PTK2B: variants seen among roughly 807,000 people sequenced by gnomAD.
PTK2B encodes the protein protein-tyrosine kinase 2-beta.
A neutral mutation model predicts 142.9 loss-of-function variants in PTK2B; 71 were observed. The observed-to-expected ratio is 0.50, with a 90% CI of 0.41 to 0.61. PTK2B has a LOEUF of 0.61. PTK2B is among the 20% of genes least tolerant of loss of function. The pLI is 0.00. For synonymous variants in PTK2B, 519 were observed against 503.4 expected (o/e 1.03, Z -0.42); for missense variants, 1,105 against 1,320.4 (o/e 0.84, Z 2.53).
In PTK2B at chr8:27,430,966, C is replaced by G; in HGVS notation, c.760C>G (p.Leu254Val). Residue 254 changes from leucine (L) to valine (V), a missense_variant, in exon 8 of 31, where the codon CTC (leucine) becomes GTC (valine). By Grantham distance (32) the Leu-to-Val change is conservative. Transcript: ENST00000346049. ...GTGCGTCATGAAGTTCTTCAACACT[C>G]TCGCCGGCTTCGCCAACATCGACCA... is the stretch of plus-strand genomic sequence containing the variant. ...EECVMKFFNT[L>V]AGFANIDQET... 1 of 1,614,206 alleles carries G rather than the reference C, an allele frequency of 6.2e-7. No individual in the cohort carries two copies. The highest frequency in any genetic ancestry group is 1.7e-5 in the Admixed American group (1 of 60,032).
intron 1 of PTK2B, among the ~76,000 whole-genome samples, chr8:27,385,709 A>G (rs960853611): frequency 2.0e-5 from 3 of 152,132 alleles, no homozygotes; most frequent in African/African-American, 7.2e-5. Context: ...CCTGGCCAAC[A>G]TGGTGAAACC....
chr8:27,435,304 C>T (rs1318477779), intron 13 of PTK2B, among the ~76,000 whole-genome samples: 1 of 152,232 alleles, frequency 6.6e-6, no homozygotes, highest in South Asian at 2.1e-4. Flanking sequence ...GGGGGCTCCA[C>T]GCTCAGGACT....
At chr8:27,325,912 A>G (rs971312114) in intron 1 of PTK2B, among the ~76,000 whole-genome samples, 10 of 152,082 alleles carry the variant, frequency 6.6e-5, no homozygotes, top group African/African-American at 2.4e-4. Flanking sequence ...ATTTGACACT[A>G]TAGGGTGTTT....
At chr8:27,355,876 A>C (rs1440345042) in intron 1 of PTK2B, among the ~76,000 whole-genome samples, 2 of 152,130 alleles carry the variant, frequency 1.3e-5, no homozygotes, top group African/African-American at 4.8e-5. Flanking sequence ...ACAAACAATT[A>C]GCTGGGCATG....
intron 24 of PTK2B, among the ~76,000 whole-genome samples, chr8:27,449,236 A>G (rs1476396114): frequency 6.6e-6 from 1 of 152,214 alleles, no homozygotes; most frequent in African/African-American, 2.4e-5. Flanking sequence ...TCCTCCCAGC[A>G]CCCAGCCCTG....
chr8:27,340,666 C>G (rs1005048962), intron 1 of PTK2B, among the ~76,000 whole-genome samples: 1 of 152,252 alleles, frequency 6.6e-6, no homozygotes, highest in Non-Finnish European at 1.5e-5. Context: ...GGAGCTCTTG[C>G]ACCAAGCATG....
intron 22 of PTK2B, among the ~76,000 whole-genome samples, chr8:27,443,791 G>T (rs370771760): frequency 2.4e-4 from 37 of 152,238 alleles, no homozygotes; most frequent in African/African-American, 8.7e-4. Flanking sequence ...TGTCCCTCTT[G>T]CCTGGCATGT....
intron 1 of PTK2B, among the ~76,000 whole-genome samples, chr8:27,375,001 G>A (rs1158868743): frequency 6.6e-6 from 1 of 152,170 alleles, no homozygotes; most frequent in Non-Finnish European, 1.5e-5. Flanking sequence ...GAACAGAAGG[G>A]ACCTGAGTCC....
chr8:27,353,652 C>T (rs1462690947), intron 1 of PTK2B, among the ~76,000 whole-genome samples: 1 of 152,178 alleles, frequency 6.6e-6, no homozygotes, highest in Non-Finnish European at 1.5e-5. Context: ...ACAGATGAGG[C>T]AACTAGGGTA....
intron 5 of PTK2B, among the ~76,000 whole-genome samples, chr8:27,426,586 C>T (rs1810099567): frequency 6.6e-6 from 1 of 151,958 alleles, no homozygotes; most frequent in Non-Finnish European, 1.5e-5. Context: ...TCAGTTGCTC[C>T]AAGACATTCC....
intron 1 of PTK2B, among the ~76,000 whole-genome samples, chr8:27,342,306 A>C (rs998993465): frequency 6.8e-6 from 1 of 146,232 alleles, no homozygotes; most frequent in Non-Finnish European, 1.5e-5. Context: ...TTTTTTCTTG[A>C]GACAGGGTCT....
At position 27,454,265 on chromosome 8, in the gene PTK2B, C is replaced by T. The variant is rs774662036; in HGVS notation, c.2707C>T (p.Pro903Ser). 4 of 1,613,848 alleles carry T rather than the reference C, an allele frequency of 2.5e-6. No individual in the cohort carries two copies. In the Admixed American group the frequency reaches 6.7e-5, roughly 27 times the overall value. ...ELKNELCQLP[P>S]EGYVVVVKNV... ...CAAGAATGAGCTCTGTCAGCTGCCC[C>T]CCGAGGGCTACGTGGTGGTGGTGAA... The change falls in exon 29 of 31, where the codon CCC becomes TCC. Residue 903 changes from proline (P) to serine (S), a missense_variant. Transcript: ENST00000346049.
intron 1 of PTK2B, among the ~76,000 whole-genome samples, chr8:27,371,663 T>G (rs1357353649): frequency 6.6e-6 from 1 of 152,096 alleles, no homozygotes; most frequent in Non-Finnish European, 1.5e-5. Context: ...TTCTCCTGCC[T>G]CGGCATCCCA....
chr8:27,321,067 T>C (rs1265167452), upstream of PTK2B, among the ~76,000 whole-genome samples: 1 of 139,234 alleles, frequency 7.2e-6, no homozygotes, highest in Non-Finnish European at 1.5e-5. Context: ...CAATCATAGC[T>C]CATTGCATCC....
chr8:27,407,089 C>T (rs1808763925), intron 2 of PTK2B, among the ~76,000 whole-genome samples: 1 of 152,156 alleles, frequency 6.6e-6, no homozygotes, highest in South Asian at 2.1e-4. Flanking sequence ...AGAATGGTCT[C>T]ATTTTTAACA....
chr8:27,365,654 T>G (rs1444210481), intron 1 of PTK2B, among the ~76,000 whole-genome samples: 1 of 150,546 alleles, frequency 6.6e-6, no homozygotes, highest in African/African-American at 2.5e-5. Context: ...AATACCAACT[T>G]CGTTTTGCGG....
chr8:27,357,134 GTTTCCTGGTTTTGATA>G (rs1449048074), intron 1 of PTK2B, among the ~76,000 whole-genome samples: 1 of 152,184 alleles, frequency 6.6e-6, no homozygotes, highest in African/African-American at 2.4e-5. Context: ...ATGAATGTCA[GTTTCCTGGTTTTGATA>G]TTATTATTCT....
chr8:27,333,024 T>A (rs1280305733), intron 1 of PTK2B, among the ~76,000 whole-genome samples: 1 of 152,244 alleles, frequency 6.6e-6, no homozygotes, highest in Non-Finnish European at 1.5e-5. Context: ...CACGAAGTGC[T>A]ATGAGATTGC....
rs1401530490 is a variant in PTK2B, at chr8:27,437,717, A to G, written c.1528-48A>G. ...GCCAGCACCCTGGTCCCCTGGCTCC[A>G]TACTGGGACCAACCAGGGGTCTTGA... On this transcript the variant is annotated intron_variant, in intron 17 of 30. Coordinates refer to ENST00000346049, the MANE Select transcript of PTK2B (RefSeq NM_173176.3). The G allele has an allele frequency of 3.2e-6, 5 of 1,549,258 alleles. No individual in the cohort carries two copies. The African/African-American group carries it at 5.4e-5, about 17-fold the overall frequency.
Sources: allele counts gnomAD v4.1 joint callset (sites outside exome capture counted in the v4.1 genomes callset), GRCh38; gene constraint gnomAD v4.1.1; transcripts MANE v1.5; gene names NCBI Gene and HGNC (gene_info 2026-07-23, HGNC 2026-07-21).